IL1RAP: variants seen among roughly 807,000 people sequenced by gnomAD.
IL1RAP encodes interleukin 1 receptor accessory protein, also known as interleukin-1 receptor accessory protein.
Under a neutral mutation model 60.7 loss-of-function variants are expected in IL1RAP, and 35 were observed. The observed-to-expected ratio is 0.58, with a 90% confidence interval of 0.44 to 0.76. IL1RAP has a LOEUF of 0.76. IL1RAP is among the 30% of genes least tolerant of loss of function. The pLI, the probability that IL1RAP is intolerant of heterozygous loss-of-function variation, is 0.00. For missense variants in IL1RAP, 572 were observed against 693.9 expected, an observed-to-expected ratio of 0.82 and a Z score of 1.97; for synonymous variants, 268 against 250.9, an observed-to-expected ratio of 1.07 and a Z score of -0.64.
intron 1 of IL1RAP, among the ~76,000 whole-genome samples, chr3:190,515,844 T>C (rs1447636920): frequency 6.6e-6 from 1 of 151,954 alleles, no homozygotes; most frequent in Non-Finnish European, 1.5e-5. Flanking sequence ...AATTCTCATA[T>C]ATTTCTTTTG....
In IL1RAP at chr3:190,571,348, C is replaced by CA. The variant is rs200098646; in HGVS notation, c.64+7005dup. Among the ~76,000 whole-genome samples the CA allele has an allele frequency of 8.1e-3, 1,190 of 146,066 alleles. 23 individuals carry two copies. Among genetic ancestry groups the CA allele is most frequent in the African/African-American group, 0.027 (1,065 of 39,848 alleles). ...ACAAAATAATAAGACCCTGACTCCA[C>CA]AAAAAAAAAATTAAAAAAATAGCTG... On this transcript the variant is annotated intron_variant, in intron 3 of 11. Transcript: ENST00000447382.
At chr3:190,630,123 T>C (rs1207711959) in intron 9 of IL1RAP, 1 of 776,836 alleles carries the variant, frequency 1.3e-6, no homozygotes, top group Non-Finnish European at 1.6e-6. Context: ...GTATCAATAT[T>C]TAAGCAGGTT....
intron 1 of IL1RAP, among the ~76,000 whole-genome samples, chr3:190,543,053 A>G (rs1577548001): frequency 6.6e-6 from 1 of 152,088 alleles, no homozygotes; most frequent in Non-Finnish European, 1.5e-5. Flanking sequence ...GGGGCTCACT[A>G]AGCAACTCTG....
At chr3:190,537,881 T>C (rs1723602393) in intron 1 of IL1RAP, among the ~76,000 whole-genome samples, 1 of 152,184 alleles carries the variant, frequency 6.6e-6, no homozygotes, top group Non-Finnish European at 1.5e-5. Flanking sequence ...CCTACTCACC[T>C]GCAGGTTATA....
intron 5 of IL1RAP, among the ~76,000 whole-genome samples, chr3:190,610,838 C>T (rs754778451): frequency 6.6e-6 from 1 of 152,132 alleles, no homozygotes; most frequent in Non-Finnish European, 1.5e-5. Context: ...GAAGAGTCTT[C>T]TGTTGGCCAA....
downstream of IL1RAP, chr3:190,656,075 G>A: frequency 1.3e-6 from 2 of 1,537,228 alleles, no homozygotes; most frequent in Non-Finnish European, 1.7e-6. Context: ...CCGCACCCAG[G>A]CATTCTTCAG....
chr3:190,635,741 A>T (rs1303385578), intron 9 of IL1RAP, among the ~76,000 whole-genome samples: 1 of 152,194 alleles, frequency 6.6e-6, no homozygotes, highest in Non-Finnish European at 1.5e-5. Context: ...TATTTGTAAC[A>T]TTTCATATTG....
At chr3:190,526,919 G>A (rs1003027282) in intron 1 of IL1RAP, among the ~76,000 whole-genome samples, 1 of 152,220 alleles carries the variant, frequency 6.6e-6, no homozygotes, top group African/African-American at 2.4e-5. Flanking sequence ...GGCATGCAGT[G>A]TGGATTCTGA....
chr3:190,638,851 G>T (rs183534590), intron 9 of IL1RAP, among the ~76,000 whole-genome samples: 1 of 152,036 alleles, frequency 6.6e-6, no homozygotes, highest in Non-Finnish European at 1.5e-5. Context: ...TGTTTCTCTG[G>T]TGCCTTTGTC....
chr3:190,580,176 T>A (rs1316432191), intron 3 of IL1RAP, among the ~76,000 whole-genome samples: 2 of 152,222 alleles, frequency 1.3e-5, no homozygotes, highest in Non-Finnish European at 2.9e-5. Context: ...ACTGTGCCAT[T>A]GTAAATGTCT....
intron 1 of IL1RAP, among the ~76,000 whole-genome samples, chr3:190,517,164 A>G (rs537107617): frequency 2.5e-4 from 38 of 152,296 alleles, no homozygotes; most frequent in African/African-American, 8.9e-4. Context: ...ATTTAAAGCA[A>G]TGGTCTCTAA....
In IL1RAP at chr3:190,552,267, G is replaced by A. The variant is rs953463896; in HGVS notation, c.-88-3863G>A. Reference sequence around the variant, plus strand: ...CCTTTTATAGCCCTTTACAAATTTTGCTAAAGAATAAATTAGTGCCTTAAC... The same window carrying A: ...CCTTTTATAGCCCTTTACAAATTTTACTAAAGAATAAATTAGTGCCTTAAC... On this transcript the variant is annotated intron_variant, in intron 1 of 11. Coordinates refer to ENST00000447382, the MANE Select transcript of IL1RAP (RefSeq NM_002182.4). 2.0e-5 allele frequency among the ~76,000 whole-genome samples: 3 copies of A among 152,148 alleles called. No individual in the cohort carries two copies. In the East Asian group the frequency reaches 5.8e-4, roughly 29 times the overall value.
intron 1 of IL1RAP, among the ~76,000 whole-genome samples, chr3:190,524,187 C>A (rs1358453524): frequency 6.6e-6 from 1 of 152,076 alleles, no homozygotes; most frequent in African/African-American, 2.4e-5. Flanking sequence ...GTCCTTTGCT[C>A]ATTTTTTCTA....
chr3:190,645,769 C>T lies in IL1RAP; in HGVS notation c.1272C>T (p.Thr424=). ...NAEEEEFVLL[T]LRGVLENEFG... ...AAGAAGAAGAATTTGTATTACTGAC[C>T]CTCCGTGGAGTTTTGGAGAATGAAT... Residue 424 remains threonine, a synonymous_variant, in exon 11 of 12, where the codon ACC becomes ACT. Coordinates refer to ENST00000447382, the MANE Select transcript of IL1RAP (RefSeq NM_002182.4). The T allele has an allele frequency of 6.2e-7, 1 of 1,612,742 alleles. No homozygotes were observed. The highest frequency in any genetic ancestry group is 1.1e-5 in the South Asian group (1 of 91,000).
chr3:190,545,824 C>T (rs1724317924), intron 1 of IL1RAP, among the ~76,000 whole-genome samples: 1 of 152,080 alleles, frequency 6.6e-6, no homozygotes, highest in South Asian at 2.1e-4. Context: ...TGTGTGAAAT[C>T]CCTGCTAGGG....
At chr3:190,614,522 C>T (rs550125517) in intron 5 of IL1RAP, among the ~76,000 whole-genome samples, 33 of 152,012 alleles carry the variant, frequency 2.2e-4, no homozygotes, top group Non-Finnish European at 4.4e-4. Flanking sequence ...TTGTTCCAAA[C>T]GCTTGATTTT....
chr3:190,636,497 A>C (rs1237462353), intron 9 of IL1RAP, among the ~76,000 whole-genome samples: 2 of 152,018 alleles, frequency 1.3e-5, no homozygotes. Context: ...GTCTAATATG[A>C]ATGTAGCCAT....
chr3:190,578,183 TTGAAA>T (rs1364294052), intron 3 of IL1RAP, among the ~76,000 whole-genome samples: 5 of 152,178 alleles, frequency 3.3e-5, no homozygotes, highest in African/African-American at 1.2e-4. Flanking sequence ...AAAATGAAAG[TTGAAA>T]TGAAAAATAA....
rs377497169 is a variant in IL1RAP at position 190,577,071 on chromosome 3, C to A, written c.64+12718C>A. Among the ~76,000 whole-genome samples, 590 of 147,216 alleles carry A rather than the reference C, an allele frequency of 4.0e-3. 5 individuals carry two copies. Among genetic ancestry groups the A allele is most frequent in the African/African-American group, 0.014 (548 of 39,538 alleles). On this transcript the variant is annotated intron_variant, in intron 3 of 11. Transcript: ENST00000447382. ...AGCCGAGATCGCGCCACCGCACTCCCGCCTGGGCGACAGAGCGAGACTCCG... is the reference window on the plus strand; with the variant it reads ...AGCCGAGATCGCGCCACCGCACTCCAGCCTGGGCGACAGAGCGAGACTCCG...
Sources: allele counts gnomAD v4.1 joint callset (sites outside exome capture counted in the v4.1 genomes callset), GRCh38; gene constraint gnomAD v4.1.1; transcripts MANE v1.5; gene names NCBI Gene and HGNC (gene_info 2026-07-23, HGNC 2026-07-21).